DCDC1: variants seen among roughly 807,000 people sequenced by gnomAD.
The protein encoded by DCDC1 is doublecortin domain containing 1.
A neutral mutation model predicts 178.3 loss-of-function variants in DCDC1; 200 were observed. The observed-to-expected ratio is 1.12, with a 90% CI of 1.00 to 1.26. The LOEUF (loss-of-function observed/expected upper bound fraction) is 1.26. Among genes scored for constraint, DCDC1 ranks in the 50% most tolerant of loss-of-function variants. The pLI is 0.00. For missense variants in DCDC1, 1,983 were observed against 1,749.2 expected (o/e 1.13, Z -2.38); for synonymous variants, 690 against 604.8 (o/e 1.14, Z -2.07).
intron 9 of DCDC1, among the ~76,000 whole-genome samples, chr11:31,187,303 A>T (rs939718753): frequency 1.3e-5 from 2 of 152,188 alleles, no homozygotes; most frequent in African/African-American, 2.4e-5. Context: ...GATTTAATGG[A>T]ACTAACTCTA....
At chr11:31,140,092 C>A (rs1485844121) in intron 9 of DCDC1, among the ~76,000 whole-genome samples, 3 of 152,174 alleles carry the variant, frequency 2.0e-5, no homozygotes, top group South Asian at 2.1e-4. Context: ...TTCCCTCAAA[C>A]CCCATGACAT....
rs1193311737 is a variant in DCDC1 at position 31,052,584 on chromosome 11, G to GTATC, written c.2591+11884_2591+11885insGATA. The stretch of plus-strand genomic sequence containing the variant: ...CAACAGTGCATGGAACTTTCACCAG[G>GTATC]ATAGACCATATGATAGGCCATAAAA... On this transcript the variant is annotated intron_variant, in intron 20 of 38. Transcript: ENST00000684477. Among the ~76,000 whole-genome samples the GTATC allele has an allele frequency of 1.1e-4, 16 of 152,190 alleles. No individual in the cohort carries two copies. The East Asian group carries it at 2.9e-3, about 28-fold the overall frequency.
At chr11:30,967,938 T>C (rs1041504901) in intron 20 of DCDC1, among the ~76,000 whole-genome samples, 2 of 151,982 alleles carry the variant, frequency 1.3e-5, no homozygotes, top group Non-Finnish European at 2.9e-5. Context: ...GTATGAGAGC[T>C]CTGAGGTATG....
intron 20 of DCDC1, among the ~76,000 whole-genome samples, chr11:31,043,308 A>G (rs539701819): frequency 1.4e-4 from 22 of 152,322 alleles, no homozygotes; most frequent in African/African-American, 5.0e-4. Context: ...TTGCTGGTAC[A>G]TACTTCTGGT....
intron 9 of DCDC1, among the ~76,000 whole-genome samples, chr11:31,229,462 C>A (rs1461376809): frequency 6.6e-6 from 1 of 152,092 alleles, no homozygotes; most frequent in Non-Finnish European, 1.5e-5. Context: ...AGGTTTAACA[C>A]TTGAAAATGA....
In DCDC1 at chr11:30,977,960, T is replaced by G. The variant is rs1018610646; in HGVS notation, c.2592-25392A>C. Among the ~76,000 whole-genome samples the G allele has an allele frequency of 1.1e-4, 16 of 152,178 alleles. 1 individual carries two copies. Among genetic ancestry groups the G allele is most frequent in the Non-Finnish European group, 1.8e-4 (12 of 68,028 alleles). On this transcript the variant is annotated intron_variant, in intron 20 of 38. Coordinates refer to ENST00000684477, the MANE Select transcript of DCDC1 (RefSeq NM_001387274.1). ...AAAACCAAACAGTAAGAAATGTAAT[T>G]GCTAAGTCAAAGAATATTAGCACTT... is the stretch of plus-strand genomic sequence containing the variant.
At chr11:31,312,967 G>A (rs1035062429) in intron 3 of DCDC1, among the ~76,000 whole-genome samples, 1 of 151,840 alleles carries the variant, frequency 6.6e-6, no homozygotes, top group African/African-American at 2.4e-5. Flanking sequence ...ATCAGCCTGG[G>A]CAACAGAGCA....
chr11:31,346,739 C>T (rs539614014), intron 1 of DCDC1, among the ~76,000 whole-genome samples: 27 of 152,068 alleles, frequency 1.8e-4, no homozygotes, highest in African/African-American at 6.5e-4. Flanking sequence ...TTGGAGTTTG[C>T]CTTAAAATAC....
intron 35 of DCDC1, 86 bp from the exon 36 acceptor site, chr11:30,893,083 T>C: frequency 6.9e-7 from 1 of 1,449,426 alleles, no homozygotes; most frequent in South Asian, 1.4e-5. Context: ...CAGATATATC[T>C]TGTAATTAAT....
chr11:31,324,304 C>A (rs1454581859), intron 3 of DCDC1, among the ~76,000 whole-genome samples: 6 of 150,672 alleles, frequency 4.0e-5, no homozygotes, highest in African/African-American at 7.3e-5. Context: ...AATCATTCCA[C>A]CCAAAGGAAA....
chr11:31,337,706 A>G (rs959518439), intron 1 of DCDC1, among the ~76,000 whole-genome samples: 3 of 152,140 alleles, frequency 2.0e-5, no homozygotes, highest in African/African-American at 7.2e-5. Flanking sequence ...GCTGTCAAAG[A>G]TCAGATTAAG....
chr11:31,068,926 A>G (rs1238848669), intron 18 of DCDC1, among the ~76,000 whole-genome samples: 2 of 151,304 alleles, frequency 1.3e-5, no homozygotes, highest in African/African-American at 4.9e-5. Flanking sequence ...ATCTCGGCTC[A>G]CTGCAAGCTC....
chr11:30,943,813 G>A, intron 21 of DCDC1: 1 of 323,458 alleles, frequency 3.1e-6, no homozygotes, highest in Non-Finnish European at 6.1e-6. Context: ...CTTTTAGTAT[G>A]AATAATATTT....
chr11:31,010,176 A>G (rs892061997), intron 20 of DCDC1, among the ~76,000 whole-genome samples: 6 of 152,242 alleles, frequency 3.9e-5, no homozygotes, highest in Admixed American at 2.0e-4. Flanking sequence ...GACCCAGTCA[A>G]GGTGACATAT....
chr11:31,049,044 A>G (rs1955068300), intron 20 of DCDC1, among the ~76,000 whole-genome samples: 1 of 152,234 alleles, frequency 6.6e-6, no homozygotes, highest in Admixed American at 6.5e-5. Flanking sequence ...TAAAAATGTA[A>G]AAGTAATTCT....
At chr11:31,310,098 C>A (rs1300380215) in intron 3 of DCDC1, among the ~76,000 whole-genome samples, 1 of 151,830 alleles carries the variant, frequency 6.6e-6, no homozygotes, top group Non-Finnish European at 1.5e-5. Context: ...ATAGATTTAC[C>A]CAGTGAATGG....
At chr11:30,933,774 A>T (rs530083523) in intron 21 of DCDC1, among the ~76,000 whole-genome samples, 1 of 152,304 alleles carries the variant, frequency 6.6e-6, no homozygotes, top group East Asian at 1.9e-4. Context: ...CTCCTGCCAC[A>T]ATTATAAGAG....
At position 31,106,796 on chromosome 11, in the gene DCDC1, C is replaced by T; in HGVS notation, c.1751+1G>A. On this transcript the variant is annotated splice_donor_variant, in intron 13 of 38. Transcript: ENST00000684477. LOFTEE classifies it high-confidence loss of function. The stretch of plus-strand genomic sequence containing the variant: ...ACAGAAAACAAACCCCTTGCTCCTA[C>T]CTGTATGCTCTACCATAAGAGACCC... The T allele has an allele frequency of 1.3e-6, 1 of 766,096 alleles. No homozygotes were observed. The highest frequency in any genetic ancestry group is 2.4e-6 in the Non-Finnish European group (1 of 417,760). The allele number at this position is 766,096 out of a possible 1,614,324, so 47.5% of individuals were successfully genotyped here. A position where few individuals can be genotyped will look rare whatever the true frequency, so the allele number is the denominator to read the frequency against.
chr11:31,277,696 T>C (rs1946096307), intron 7 of DCDC1, among the ~76,000 whole-genome samples: 1 of 152,160 alleles, frequency 6.6e-6, no homozygotes, highest in Non-Finnish European at 1.5e-5. Flanking sequence ...CATGTGCTAA[T>C]GGTTGATTTC....
Sources: allele counts gnomAD v4.1 joint callset (sites outside exome capture counted in the v4.1 genomes callset), GRCh38; gene constraint gnomAD v4.1.1; transcripts MANE v1.5; gene names NCBI Gene and HGNC (gene_info 2026-07-23, HGNC 2026-07-21).